Variants in NEGR1 observed in about 807,000 individuals in gnomAD.
NEGR1 encodes neuronal growth regulator 1.
A neutral mutation model predicts 40.9 loss-of-function variants in NEGR1; 10 were observed. The ratio of observed to expected loss-of-function variants is 0.24; its 90% CI spans 0.15 to 0.42. The LOEUF (loss-of-function observed/expected upper bound fraction) is 0.42. Ranked by LOEUF, NEGR1 falls within the 10% of genes least tolerant of loss-of-function variation. The pLI, the probability that NEGR1 is intolerant of heterozygous loss-of-function variation, is 1.00. For missense variants in NEGR1, 352 were observed against 438.9 expected (o/e 0.80, Z 1.77); for synonymous variants, 185 against 166.8 (o/e 1.11, Z -0.84).
chr1:71,866,595 A>G (rs766674388), intron 2 of NEGR1, among the ~76,000 whole-genome samples: 7 of 152,118 alleles, frequency 4.6e-5, no homozygotes, highest in African/African-American at 1.7e-4. Context: ...TTCAGCAAAA[A>G]TTTTTCCCAA....
intron 1 of NEGR1, among the ~76,000 whole-genome samples, chr1:72,256,948 T>A (rs1161506150): frequency 6.6e-6 from 1 of 152,134 alleles, no homozygotes; most frequent in African/African-American, 2.4e-5. Context: ...TTTCTAGAAG[T>A]AACACAAACA....
At chr1:71,742,836 T>A (rs183987349) in intron 3 of NEGR1, among the ~76,000 whole-genome samples, 1 of 152,226 alleles carries the variant, frequency 6.6e-6, no homozygotes, top group Non-Finnish European at 1.5e-5. Flanking sequence ...GAAAAGGACA[T>A]GAATTGTGGG....
chr1:71,509,972 C>T (rs1647061778), intron 6 of NEGR1, among the ~76,000 whole-genome samples: 1 of 152,152 alleles, frequency 6.6e-6, no homozygotes, highest in South Asian at 2.1e-4. Flanking sequence ...GGAAATGTTG[C>T]ACTTTCATTC....
At chr1:71,888,133 A>C (rs1660781060) in intron 2 of NEGR1, among the ~76,000 whole-genome samples, 1 of 151,778 alleles carries the variant, frequency 6.6e-6, no homozygotes, top group African/African-American at 2.4e-5. Flanking sequence ...AGGTTAGATG[A>C]CTCTATTTTA....
intron 2 of NEGR1, among the ~76,000 whole-genome samples, chr1:71,787,908 A>G (rs1467672582): frequency 6.6e-6 from 1 of 152,164 alleles, no homozygotes; most frequent in Non-Finnish European, 1.5e-5. Context: ...TTGTTTTCTT[A>G]TAAAAGTTGT....
At chr1:72,124,106 C>T (rs1649913884) in intron 1 of NEGR1, among the ~76,000 whole-genome samples, 1 of 152,028 alleles carries the variant, frequency 6.6e-6, no homozygotes, top group African/African-American at 2.4e-5. Context: ...TCAGAAGCTG[C>T]TGGCTTGCTC....
At chr1:72,274,797 G>T in intron 1 of NEGR1, 1 of 1,455,506 alleles carries the variant, frequency 6.9e-7, no homozygotes. Context: ...TAAAAGATCG[G>T]GTAGAAAAAG....
Position 71,406,709 on chromosome 1 carries a change from G to A in NEGR1, c.*737C>T, listed in dbSNP as rs1557515522. 1.3e-5 allele frequency: 2 copies of A among 152,516 alleles called. No individual in the cohort carries two copies. The highest frequency in any genetic ancestry group is 4.1e-4 in the South Asian group (2 of 4,826). 9.4% of individuals were successfully genotyped at this position (152,516 alleles called of 1,614,324 possible). A position where few individuals can be genotyped will look rare whatever the true frequency, so the allele number is the denominator to read the frequency against. Reference sequence around the variant, plus strand: ...ATTTTTACAGTCCAATAGCTCCTTCGTTACTTAGAGATAGTGTATGGTTTA... The same window carrying A: ...ATTTTTACAGTCCAATAGCTCCTTCATTACTTAGAGATAGTGTATGGTTTA... On this transcript the variant is annotated 3_prime_UTR_variant, in exon 7 of 7. Transcript: ENST00000357731.
chr1:71,626,675 C>T (rs1418575671), intron 4 of NEGR1, among the ~76,000 whole-genome samples: 1 of 151,966 alleles, frequency 6.6e-6, no homozygotes, highest in African/African-American at 2.4e-5. Flanking sequence ...TTCTGCACTG[C>T]AAAAGAAACT....
At chr1:71,569,209 C>T (rs1648734558) in intron 6 of NEGR1, among the ~76,000 whole-genome samples, 1 of 152,104 alleles carries the variant, frequency 6.6e-6, no homozygotes, top group Non-Finnish European at 1.5e-5. Flanking sequence ...AGCCACTGTA[C>T]CCGGCCAGCA....
chr1:72,047,587 A>G (rs866360664), intron 1 of NEGR1, among the ~76,000 whole-genome samples: 2 of 151,450 alleles, frequency 1.3e-5, no homozygotes, highest in Non-Finnish European at 3.0e-5. Flanking sequence ...TTTTATAATA[A>G]TATATGATTC....
chr1:71,569,077 C>T (rs1352700404), intron 6 of NEGR1, among the ~76,000 whole-genome samples: 3 of 151,830 alleles, frequency 2.0e-5, no homozygotes, highest in South Asian at 2.1e-4. Flanking sequence ...CCACGATGCC[C>T]GGCTAATTTT....
chr1:71,442,815 T>A (rs1646556759), intron 6 of NEGR1, among the ~76,000 whole-genome samples: 1 of 152,162 alleles, frequency 6.6e-6, no homozygotes, highest in South Asian at 2.1e-4. Context: ...GAGAGAAGGT[T>A]GCTGCTGACT....
chr1:71,416,064 G>T (rs1182250292), intron 6 of NEGR1, among the ~76,000 whole-genome samples: 1 of 152,146 alleles, frequency 6.6e-6, no homozygotes, highest in Non-Finnish European at 1.5e-5. Flanking sequence ...AGGTTTTACA[G>T]AAATAAAAAT....
chr1:71,698,181 G>A, intron 3 of NEGR1, 42 bp from the exon 4 acceptor site: 1 of 1,578,686 alleles, frequency 6.3e-7, no homozygotes, highest in Non-Finnish European at 8.6e-7. Flanking sequence ...AGCCGCCTGA[G>A]GCTTCATTCA....
intron 3 of NEGR1, among the ~76,000 whole-genome samples, chr1:71,770,912 A>G (rs1333345656): frequency 6.6e-6 from 1 of 152,114 alleles, no homozygotes; most frequent in African/African-American, 2.4e-5. Flanking sequence ...AGGATCTAGA[A>G]CCAGAAATAA....
At chr1:72,192,360 T>C (rs1288757533) in intron 1 of NEGR1, among the ~76,000 whole-genome samples, 1 of 151,764 alleles carries the variant, frequency 6.6e-6, no homozygotes, top group Non-Finnish European at 1.5e-5. Flanking sequence ...TGCTCAGAGA[T>C]AAAGAACAAT....
At chr1:72,113,462 A>AT (rs1262207919) in intron 1 of NEGR1, among the ~76,000 whole-genome samples, 74 of 151,488 alleles carry the variant, frequency 4.9e-4, no homozygotes, top group Admixed American at 7.9e-4. Context: ...TTTAGAAAAA[A>AT]AATATATATA....
chr1:71,420,181 C>G (rs1195615886), intron 6 of NEGR1, among the ~76,000 whole-genome samples: 1 of 152,052 alleles, frequency 6.6e-6, no homozygotes, highest in African/African-American at 2.4e-5. Flanking sequence ...CCTTCAGGCA[C>G]AAAACATTAG....
Sources: allele counts gnomAD v4.1 joint callset (sites outside exome capture counted in the v4.1 genomes callset), GRCh38; gene constraint gnomAD v4.1.1; transcripts MANE v1.5; gene names NCBI Gene and HGNC (gene_info 2026-07-23, HGNC 2026-07-21).